Variants in KLHL1 observed in about 807,000 individuals in gnomAD.
KLHL1 encodes the protein kelch-like protein 1.
A neutral mutation model predicts 77.7 loss-of-function variants in KLHL1; 47 were observed. The observed-to-expected ratio is 0.60, with a 90% CI of 0.48 to 0.77. The LOEUF is 0.77. KLHL1 is among the 30% of genes least tolerant of loss of function. KLHL1 has a pLI of 0.00. For missense variants in KLHL1, 925 were observed against 910.8 expected (o/e 1.02, Z -0.20); for synonymous variants, 360 against 325.2 (o/e 1.11, Z -1.15).
chr13:69,936,417 C>T (rs998694348), intron 4 of KLHL1, among the ~76,000 whole-genome samples: 79 of 124,220 alleles, frequency 6.4e-4, no homozygotes, highest in African/African-American at 1.9e-3. Context: ...GGTGAAACCT[C>T]GTCTCTACTA....
chr13:69,743,932 C>CT (rs1874094840), intron 7 of KLHL1, among the ~76,000 whole-genome samples: 1 of 151,096 alleles, frequency 6.6e-6, no homozygotes, highest in African/African-American at 2.4e-5. Flanking sequence ...TTGGGGAAAG[C>CT]TTGAGAACTC....
chr13:69,821,039 A>G (rs1245576010), intron 6 of KLHL1, among the ~76,000 whole-genome samples: 1 of 152,224 alleles, frequency 6.6e-6, no homozygotes, highest in African/African-American at 2.4e-5. Context: ...GACAACAGGT[A>G]AACAAATAGG....
intron 1 of KLHL1, among the ~76,000 whole-genome samples, chr13:70,062,958 A>C (rs1886925959): frequency 6.6e-6 from 1 of 152,124 alleles, no homozygotes; most frequent in South Asian, 2.1e-4. Flanking sequence ...TACCTTAATT[A>C]AGAATTTTAT....
chr13:70,055,716 T>G (rs750925191), intron 1 of KLHL1, among the ~76,000 whole-genome samples: 11 of 152,076 alleles, frequency 7.2e-5, no homozygotes, highest in African/African-American at 1.4e-4. Context: ...TCTTTGTTAA[T>G]TGGTTTGTTT....
intron 9 of KLHL1, among the ~76,000 whole-genome samples, chr13:69,711,751 A>G (rs867768901): frequency 6.6e-6 from 1 of 152,122 alleles, no homozygotes; most frequent in African/African-American, 2.4e-5. Context: ...AAGAGAGTGT[A>G]TACTTTGAAG....
At chr13:69,813,623 C>T (rs1877994993) in intron 6 of KLHL1, among the ~76,000 whole-genome samples, 3 of 151,718 alleles carry the variant, frequency 2.0e-5, no homozygotes, top group Admixed American at 2.0e-4. Context: ...AAGGTGAGAA[C>T]CGAATCAAGA....
chr13:70,023,218 A>G (rs1271657062), intron 1 of KLHL1, among the ~76,000 whole-genome samples: 1 of 151,954 alleles, frequency 6.6e-6, no homozygotes, highest in Admixed American at 6.6e-5. Context: ...TTATAAAAAT[A>G]CTATCCTCAT....
chr13:69,717,119 T>C (rs796546168), intron 9 of KLHL1, among the ~76,000 whole-genome samples: 13 of 152,262 alleles, frequency 8.5e-5, no homozygotes, highest in African/African-American at 3.1e-4. Flanking sequence ...TATATAACTG[T>C]ATTTAACACC....
At chr13:69,774,719 T>C (rs1875744539) in intron 7 of KLHL1, among the ~76,000 whole-genome samples, 1 of 152,112 alleles carries the variant, frequency 6.6e-6, no homozygotes, top group South Asian at 2.1e-4. Flanking sequence ...TTCTGTTCAA[T>C]TGTAATAAAA....
intron 9 of KLHL1, 34 bp downstream of exon 9, chr13:69,719,335 C>A: frequency 6.3e-7 from 1 of 1,577,568 alleles, no homozygotes; most frequent in Non-Finnish European, 8.7e-7. Flanking sequence ...TTTGCACTGT[C>A]TCTTTCGCTG....
In KLHL1 at chr13:70,107,342, A is replaced by T. The variant is rs770433053; in HGVS notation, c.358T>A (p.Phe120Ile). Residue 120 changes from phenylalanine to isoleucine, a missense_variant, in exon 1 of 11, where the codon TTC (phenylalanine) becomes ATC (isoleucine). Phe to Ile is a conservative substitution (Grantham distance 21). Transcript: ENST00000377844. ...TCCTCCTCTAGTGACTCCACGTAGAAGAGAGTCCTGGCTGGCTGCTGAGTG... is the reference window on the plus strand; with the variant it reads ...TCCTCCTCTAGTGACTCCACGTAGATGAGAGTCCTGGCTGGCTGCTGAGTG... Reference protein sequence around the residue: ...QGTQQPARTLFYVESLEEEVV... With the variant: ...QGTQQPARTLIYVESLEEEVV... 1.2e-6 allele frequency: 2 copies of T among 1,613,916 alleles called. No homozygotes were observed.
chr13:69,726,682 T>C (rs1045051104), intron 8 of KLHL1, among the ~76,000 whole-genome samples: 1 of 152,166 alleles, frequency 6.6e-6, no homozygotes, highest in Admixed American at 6.6e-5. Context: ...TGTGAATTAA[T>C]TTAGATCAAT....
chr13:69,956,025 T>TA lies in KLHL1; in HGVS notation c.817+5282_817+5283insT, dbSNP rs1323712887. On this transcript the variant is annotated intron_variant, in intron 3 of 10. Transcript: ENST00000377844. ...TATATTTATATATATTTGATATATA[T>TA]TTATATATATTTATATATATTTGAT... is the stretch of plus-strand genomic sequence containing the variant. Among the ~76,000 whole-genome samples, 85 of 102,688 alleles carry TA rather than the reference T, an allele frequency of 8.3e-4. 1 individual carries two copies. The South Asian group carries it at 0.015, about 18-fold the overall frequency. 67.4% of individuals were successfully genotyped at this position (102,688 alleles called of 152,430 possible).
In KLHL1 at chr13:69,961,393, A is replaced by G. The variant is rs768725798; in HGVS notation, c.732T>C (p.Asp244=). 4.3e-6 allele frequency: 7 copies of G among 1,613,102 alleles called. No homozygotes were observed. In the East Asian group the frequency reaches 1.6e-4, roughly 36 times the overall value. ...SDYFAAMFTS[D]VCEAKQEEIK... is the part of the protein sequence containing the mutation. ...TCTCCTCTTGCTTGGCTTCACAAAC[A>G]TCACTTGTAAACATGGCCGCAAAAT... Residue 244 remains aspartate (D), a synonymous_variant, in exon 3 of 11, where the codon GAT becomes GAC. Coordinates refer to ENST00000377844, the MANE Select transcript of KLHL1 (RefSeq NM_020866.3).
At chr13:70,077,432 A>G (rs1887291251) in intron 1 of KLHL1, among the ~76,000 whole-genome samples, 1 of 151,972 alleles carries the variant, frequency 6.6e-6, no homozygotes, top group African/African-American at 2.4e-5. Context: ...TTAAAAAAAA[A>G]TTAGTCGTTG....
chr13:69,788,307 T>C (rs920014194), intron 7 of KLHL1, among the ~76,000 whole-genome samples: 1 of 152,204 alleles, frequency 6.6e-6, no homozygotes, highest in Non-Finnish European at 1.5e-5. Context: ...ATGGCACATA[T>C]ACACCATGGA....
chr13:69,927,756 T>C (rs1882865206), intron 4 of KLHL1, among the ~76,000 whole-genome samples: 1 of 152,168 alleles, frequency 6.6e-6, no homozygotes, highest in Non-Finnish European at 1.5e-5. Context: ...ACAAAAATTA[T>C]TGGCAAGTAT....
intron 5 of KLHL1, among the ~76,000 whole-genome samples, chr13:69,860,783 TTTTTA>T (rs1441760275): frequency 2.6e-5 from 4 of 151,812 alleles, no homozygotes; most frequent in Non-Finnish European, 4.4e-5. Flanking sequence ...AAACAATGTG[TTTTTA>T]TTTTATCAGA....
At chr13:69,916,172 G>A (rs1882427371) in intron 4 of KLHL1, among the ~76,000 whole-genome samples, 2 of 152,064 alleles carry the variant, frequency 1.3e-5, no homozygotes, top group South Asian at 4.1e-4. Context: ...CATTGTGGAA[G>A]TCAGTGTGGC....
Sources: gnomAD v4.1 joint callset for allele counts (sites outside exome capture counted in the v4.1 genomes callset) on GRCh38, gnomAD v4.1.1 for gene constraint, MANE v1.5 for transcripts, NCBI Gene and HGNC (gene_info 2026-07-23, HGNC 2026-07-21) for gene names.